The following KDM4B variants were observed in gnomAD, a reference collection of about 807,000 sequenced individuals.
KDM4B encodes the protein lysine demethylase 4B.
KDM4B carries 32 observed loss-of-function variants against 125.2 expected under a neutral mutation model. That is an observed-to-expected ratio of 0.26 (90% CI 0.19 to 0.34). The LOEUF (loss-of-function observed/expected upper bound fraction) is 0.34, where lower values mean the gene tolerates loss of function less well. Among genes scored for constraint, KDM4B ranks in the 10% least tolerant of loss-of-function variants. KDM4B has a pLI of 1.00. For missense variants in KDM4B, 1,190 were observed against 1,577.7 expected (o/e 0.75, Z 4.16); for synonymous variants, 721 against 677.9 (o/e 1.06, Z -0.99).
At chr19:5,111,808 G>T (rs370076937) in intron 10 of KDM4B, 7 of 765,084 alleles carry the variant, frequency 9.1e-6, no homozygotes, top group African/African-American at 1.7e-5. Flanking sequence ...TCTCGACTCC[G>T]CATGGCAACT....
At chr19:5,124,796 A>T (rs982279754) in intron 11 of KDM4B, among the ~76,000 whole-genome samples, 10 of 152,274 alleles carry the variant, frequency 6.6e-5, no homozygotes, top group African/African-American at 2.4e-4. Flanking sequence ...GGGTTTCACC[A>T]TGTCGGTCAG....
At chr19:4,975,872 C>A (rs569442360) in intron 1 of KDM4B, among the ~76,000 whole-genome samples, 1 of 150,070 alleles carries the variant, frequency 6.7e-6, no homozygotes, top group Non-Finnish European at 1.5e-5. Context: ...GGATTACAGG[C>A]GTGACCCACC....
At chr19:5,079,653 C>G (rs888380447) in intron 8 of KDM4B, among the ~76,000 whole-genome samples, 9 of 152,216 alleles carry the variant, frequency 5.9e-5, no homozygotes, top group African/African-American at 2.2e-4. Context: ...GGCCTTAGAG[C>G]AGGTGGTCAG....
At chr19:4,981,527 T>C (rs8107130) in intron 1 of KDM4B, among the ~76,000 whole-genome samples, 40,825 of 151,976 alleles carry the variant, frequency 0.27, 6,617 homozygotes, top group African/African-American at 0.46. Flanking sequence ...GAGGTGGCCA[T>C]CAGGTTCTAA....
chr19:5,043,678 CGTATCCTGCGTGGTGT>C (rs2036915496), intron 5 of KDM4B, among the ~76,000 whole-genome samples: 2 of 139,720 alleles, frequency 1.4e-5, no homozygotes, highest in African/African-American at 2.8e-5. Context: ...GGGTGTCCAC[CGTATCCTGCGTGGTGT>C]TTATCGGAGT....
intron 2 of KDM4B, among the ~76,000 whole-genome samples, chr19:5,022,646 C>T (rs890608865): frequency 2.6e-5 from 4 of 152,248 alleles, no homozygotes; most frequent in African/African-American, 9.6e-5. Flanking sequence ...TGTGACCATG[C>T]GCGGCTGTTC....
intron 3 of KDM4B, among the ~76,000 whole-genome samples, chr19:5,034,574 A>T (rs2036558274): frequency 6.6e-6 from 1 of 152,214 alleles, no homozygotes; most frequent in African/African-American, 2.4e-5. Context: ...CAAAGGCTAT[A>T]CAGAAGCAGG....
intron 21 of KDM4B, among the ~76,000 whole-genome samples, chr19:5,149,771 C>T (rs1027682005): frequency 3.9e-5 from 6 of 152,260 alleles, no homozygotes; most frequent in Admixed American, 2.6e-4. Flanking sequence ...GCATCTGCCA[C>T]CTGGAACAAG....
At chr19:4,999,292 A>G (rs1026373610) in intron 1 of KDM4B, among the ~76,000 whole-genome samples, 2 of 151,846 alleles carry the variant, frequency 1.3e-5, no homozygotes, top group Non-Finnish European at 2.9e-5. Context: ...ATGGCTCCAC[A>G]TTTTTCCAGA....
chr19:5,148,648 G>A (rs771590094), intron 21 of KDM4B, among the ~76,000 whole-genome samples: 1 of 151,924 alleles, frequency 6.6e-6, no homozygotes, highest in East Asian at 1.9e-4. Flanking sequence ...GCTGCTGCCC[G>A]TGGCAAAGCG....
intron 10 of KDM4B, among the ~76,000 whole-genome samples, chr19:5,116,235 T>TA (rs35940660): frequency 0.34 from 13,679 of 40,212 alleles, 3,199 homozygotes; most frequent in East Asian, 0.63. Context: ...ACCACATCTC[T>TA]AAAAAAAAAA....
chr19:5,023,646 C>T (rs2036190631), intron 2 of KDM4B, among the ~76,000 whole-genome samples: 1 of 152,092 alleles, frequency 6.6e-6, no homozygotes, highest in South Asian at 2.1e-4. Flanking sequence ...GGGACAGGGA[C>T]CAGTGGGAGC....
intron 21 of KDM4B, among the ~76,000 whole-genome samples, chr19:5,148,094 G>A (rs926755691): frequency 1.3e-5 from 2 of 152,342 alleles, no homozygotes; most frequent in Admixed American, 6.5e-5. Context: ...TCCCTCGCAC[G>A]TGACCCCTCG....
In KDM4B at chr19:5,039,879, A is replaced by G; in HGVS notation, c.185A>G (p.Asp62Gly). Reference sequence around the variant, plus strand: ...TGGAAGCCGCGGCAGACGTATGATGACATCGACGACGTGGTGATCCCGGCG... The same window carrying G: ...TGGAAGCCGCGGCAGACGTATGATGGCATCGACGACGTGGTGATCCCGGCG... ...KEWKPRQTYD[D>G]IDDVVIPAPI... Residue 62 changes from aspartate (D) to glycine (G), a missense_variant, in exon 4 of 23, where the codon GAC becomes GGC. Asp to Gly is a moderately conservative substitution (Grantham distance 94). Around this residue, in one of 7 missense-constraint regions of KDM4B, gnomAD observed 139 missense variants for 248.3 expected, o/e 0.56. Transcript: ENST00000159111. 6.2e-7 allele frequency: 1 copy of G among 1,612,962 alleles called. No individual in the cohort carries two copies. The highest frequency in any genetic ancestry group is 8.5e-7 in the Non-Finnish European group (1 of 1,179,894).
chr19:5,086,126 C>T (rs1355705179), intron 9 of KDM4B, among the ~76,000 whole-genome samples: 1 of 152,150 alleles, frequency 6.6e-6, no homozygotes, highest in Non-Finnish European at 1.5e-5. Flanking sequence ...CTTTCCACCC[C>T]CTCGATTTGC....
intron 1 of KDM4B, among the ~76,000 whole-genome samples, chr19:4,994,347 G>GGA (rs1453841197): frequency 1.3e-5 from 2 of 151,760 alleles, no homozygotes; most frequent in African/African-American, 4.8e-5. Context: ...CGAGGCGGGT[G>GGA]GATCACCTGA....
At chr19:5,117,015 A>G (rs1287784772) in intron 10 of KDM4B, among the ~76,000 whole-genome samples, 3 of 152,130 alleles carry the variant, frequency 2.0e-5, no homozygotes, top group African/African-American at 4.8e-5. Context: ...GCCCCAAGTG[A>G]TGGCTGCCCC....
At chr19:5,047,845 G>A (rs1467309417) in intron 6 of KDM4B, among the ~76,000 whole-genome samples, 176 bp downstream of exon 6, 1 of 152,198 alleles carries the variant, frequency 6.6e-6, no homozygotes, top group African/African-American at 2.4e-5. Context: ...CAGCTTTGGG[G>A]TGGGGGATGT....
chr19:4,988,154 G>C (rs1311008044), intron 1 of KDM4B, among the ~76,000 whole-genome samples: 1 of 152,362 alleles, frequency 6.6e-6, no homozygotes, highest in East Asian at 1.9e-4. Flanking sequence ...GCTGCATCGG[G>C]CAGGACAGGC....
Sources: gnomAD v4.1 joint callset for allele counts (sites outside exome capture counted in the v4.1 genomes callset) on GRCh38, gnomAD v4.1.1 for gene constraint, gnomAD v4.1.1 regional missense constraint, MANE v1.5 for transcripts, NCBI Gene and HGNC (gene_info 2026-07-23, HGNC 2026-07-21) for gene names.